Variants in PRELID2 observed in about 807,000 individuals in gnomAD.
PRELID2 encodes the protein PRELI domain-containing protein 2.
PRELID2 carries 25 observed loss-of-function variants against 28.4 expected under a neutral mutation model. That is an observed-to-expected ratio of 0.88 (90% CI 0.64 to 1.23). PRELID2 has a LOEUF of 1.23. Ranked by LOEUF, PRELID2 falls within the 50% of genes most tolerant of loss-of-function variation. The probability of loss-of-function intolerance (pLI) is 0.00; values close to 1 mark genes in which losing one functional copy is unlikely to be tolerated. For missense variants in PRELID2, 201 were observed against 214.4 expected (o/e 0.94, Z 0.39); for synonymous variants, 76 against 71.6 (o/e 1.06, Z -0.31).
chr5:145,652,554 G>A lies in PRELID2; in HGVS notation n.70+112377C>T, dbSNP rs538181608. 6.6e-5 allele frequency among the ~76,000 whole-genome samples: 10 copies of A among 152,278 alleles called. No individual in the cohort carries two copies. In the East Asian group the frequency reaches 9.6e-4, roughly 15 times the overall value. Reference sequence around the variant, plus strand: ...CCATGAGACTAACAGCTGATCTCTCGGCAGAAACTCTACAAGACAGAAGAG... The same window carrying A: ...CCATGAGACTAACAGCTGATCTCTCAGCAGAAACTCTACAAGACAGAAGAG... On this transcript the variant is annotated intron_variant and non_coding_transcript_variant, in intron 1 of 2. Transcript: ENST00000510259.
At chr5:145,484,315 C>T (rs189308752) in intron 1 of PRELID2, among the ~76,000 whole-genome samples, 93 of 152,282 alleles carry the variant, frequency 6.1e-4, no homozygotes, top group South Asian at 1.7e-3. Flanking sequence ...GCTATGAGCA[C>T]AAGGAAACAG....
At chr5:145,260,757 T>G in the PRELID2 span, among the ~76,000 whole-genome samples, 3 of 152,328 alleles carry the variant, frequency 2.0e-5, no homozygotes, top group Middle Eastern at 6.8e-3. Flanking sequence ...ACTCACACCA[T>G]GAACTTTTGC....
At chr5:145,377,770 A>T in the PRELID2 span, among the ~76,000 whole-genome samples, 1 of 152,232 alleles carries the variant, frequency 6.6e-6, no homozygotes, top group South Asian at 2.1e-4. Context: ...GGGTCTCTTG[A>T]AAGCAGCATA....
At chr5:145,496,403 G>A (rs1752309851) in intron 1 of PRELID2, among the ~76,000 whole-genome samples, 2 of 152,104 alleles carry the variant, frequency 1.3e-5, no homozygotes, top group African/African-American at 4.8e-5. Flanking sequence ...CACAGTAGTA[G>A]GAAAATTAGG....
intron 1 of PRELID2, among the ~76,000 whole-genome samples, chr5:145,740,415 G>A (rs1368749601): frequency 7.2e-6 from 1 of 138,188 alleles, no homozygotes; most frequent in East Asian, 2.1e-4. Flanking sequence ...ATCATTATAG[G>A]TGGTGACTAC....
intron 1 of PRELID2, among the ~76,000 whole-genome samples, chr5:145,645,470 G>A (rs1754182186): frequency 6.7e-6 from 1 of 149,838 alleles, no homozygotes; most frequent in Admixed American, 6.7e-5. Flanking sequence ...GGACACCAAA[G>A]GGTCTTGACT....
chr5:145,816,569 C>A (rs891764773), intron 4 of PRELID2, among the ~76,000 whole-genome samples: 26 of 152,140 alleles, frequency 1.7e-4, no homozygotes, highest in Admixed American at 5.2e-4. Flanking sequence ...TTAACTCTTT[C>A]ATTTAGGTAT....
chr5:145,760,622 A>G (rs1396424284), intron 6 of PRELID2, 97 bp from the exon 7 acceptor site: 8 of 152,216 alleles, frequency 5.3e-5, no homozygotes, highest in Non-Finnish European at 1.2e-4. Flanking sequence ...TTCAGAGTCC[A>G]CTTGAATTCT....
chr5:145,635,034 A>T (rs778498670), intron 1 of PRELID2, among the ~76,000 whole-genome samples: 1 of 152,152 alleles, frequency 6.6e-6, no homozygotes, highest in African/African-American at 2.4e-5. Flanking sequence ...TGCTCACTCA[A>T]CAAGAATGTG....
chr5:145,794,170 C>T (rs1752582468), intron 5 of PRELID2, among the ~76,000 whole-genome samples: 1 of 152,150 alleles, frequency 6.6e-6, no homozygotes, highest in Admixed American at 6.6e-5. Context: ...AACCAGACTA[C>T]ACAGAAAGAG....
chr5:145,789,767 T>C (rs927288291), intron 5 of PRELID2, among the ~76,000 whole-genome samples: 1 of 152,002 alleles, frequency 6.6e-6, no homozygotes, highest in African/African-American at 2.4e-5. Context: ...ATATCCAAAA[T>C]ATACAAGGGA....
At chr5:145,682,311 G>T (rs1024958896) in intron 1 of PRELID2, among the ~76,000 whole-genome samples, 4 of 152,178 alleles carry the variant, frequency 2.6e-5, no homozygotes, top group African/African-American at 9.7e-5. Flanking sequence ...TTCCACCTCT[G>T]ATGGGGGAAC....
intron 5 of PRELID2, among the ~76,000 whole-genome samples, chr5:145,788,296 T>C (rs1752133273): frequency 6.6e-6 from 1 of 152,250 alleles, no homozygotes; most frequent in Non-Finnish European, 1.5e-5. Context: ...GCTAACTACA[T>C]ATTTTAGCAT....
At chr5:145,651,579 A>G (rs1330232501) in intron 1 of PRELID2, among the ~76,000 whole-genome samples, 2 of 152,220 alleles carry the variant, frequency 1.3e-5, no homozygotes, top group African/African-American at 4.8e-5. Flanking sequence ...ATGATCAGGC[A>G]GCAACATTTG....
intron 1 of PRELID2, among the ~76,000 whole-genome samples, chr5:145,616,429 C>T (rs1005550017): frequency 6.6e-6 from 1 of 152,112 alleles, no homozygotes; most frequent in East Asian, 1.9e-4. Flanking sequence ...GCGAAATTCA[C>T]CCCCGATATT....
At chr5:145,290,603 G>A in the PRELID2 span, among the ~76,000 whole-genome samples, 21 of 137,262 alleles carry the variant, frequency 1.5e-4, no homozygotes, top group South Asian at 2.7e-4. Context: ...CCTGTCATGC[G>A]GTTGGGGGAG....
chr5:145,462,151 G>A, the PRELID2 span, among the ~76,000 whole-genome samples: 2 of 152,234 alleles, frequency 1.3e-5, no homozygotes, highest in East Asian at 1.9e-4. Context: ...CTGATAGTAC[G>A]TAAGCATGAC....
At chr5:145,684,566 C>T (rs1160633873) in intron 1 of PRELID2, among the ~76,000 whole-genome samples, 1 of 152,226 alleles carries the variant, frequency 6.6e-6, no homozygotes, top group African/African-American at 2.4e-5. Context: ...ATTTAATCCT[C>T]ATAGTTGTTC....
the PRELID2 span, among the ~76,000 whole-genome samples, chr5:145,417,707 T>TA: frequency 9.9e-5 from 15 of 152,136 alleles, no homozygotes; most frequent in Admixed American, 9.8e-4. Context: ...CCCTTCATGT[T>TA]AAAAACTCTC....
Sources: allele counts gnomAD v4.1 joint callset (sites outside exome capture counted in the v4.1 genomes callset), GRCh38; gene constraint gnomAD v4.1.1; transcripts MANE v1.5; gene names NCBI Gene and HGNC (gene_info 2026-07-23, HGNC 2026-07-21).